Variants in CFAP97D2 observed in about 807,000 individuals in gnomAD.
The protein encoded by CFAP97D2 is CFAP97 domain containing 2.
At chr13:114,220,240 G>A (rs543437024) in intron 4 of CFAP97D2, among the ~76,000 whole-genome samples, 2 of 151,936 alleles carry the variant, frequency 1.3e-5, no homozygotes, top group African/African-American at 2.4e-5. Context: ...TTTGGGATCC[G>A]GGATCTTTGC....
At chr13:114,200,472 C>T (rs193282678) in intron 3 of CFAP97D2, 29 bp downstream of exon 3, 7 of 398,434 alleles carry the variant, frequency 1.8e-5, no homozygotes, top group Non-Finnish European at 2.7e-5. Flanking sequence ...CCATCCCACC[C>T]GGCTCAGCAC....
chr13:114,191,601 G>C (rs1395771098), intron 1 of CFAP97D2, among the ~76,000 whole-genome samples: 1 of 152,184 alleles, frequency 6.6e-6, no homozygotes, highest in Admixed American at 6.5e-5. Flanking sequence ...ACCAAATACT[G>C]TCAAGGATGT....
In CFAP97D2 at chr13:114,186,598, G is replaced by A. The variant is rs1022405520; in HGVS notation, c.90+7178G>A. Reference sequence around the variant, plus strand: ...CTCTTGGGGGGTCCCAGACCTGGGAGCTCCCTGAGCCAGGGCTGTGACTCC... The same window carrying A: ...CTCTTGGGGGGTCCCAGACCTGGGAACTCCCTGAGCCAGGGCTGTGACTCC... On this transcript the variant is annotated intron_variant, in intron 1 of 4. Transcript: ENST00000646158. This position sits in a 1 kb window ranked among gnomAD's most constrained non-coding sequence, Gnocchi z 4.3. Among the ~76,000 whole-genome samples, 3 of 152,218 alleles carry A rather than the reference G, an allele frequency of 2.0e-5. No homozygotes were observed. Among genetic ancestry groups the A allele is most frequent in the African/African-American group, 4.8e-5 (2 of 41,464 alleles).
intron 2 of CFAP97D2, among the ~76,000 whole-genome samples, chr13:114,198,474 A>C (rs924031312): frequency 1.6e-4 from 25 of 152,374 alleles, no homozygotes; most frequent in African/African-American, 5.0e-4. Context: ...TATCTTTCTT[A>C]AAATATAAAA....
Position 114,186,939 on chromosome 13 carries a change from G to C in CFAP97D2, c.90+7519G>C, listed in dbSNP as rs544510635. 6.6e-6 allele frequency among the ~76,000 whole-genome samples: 1 copy of C among 152,238 alleles called. No homozygotes were observed. The highest frequency in any genetic ancestry group is 2.4e-5 in the African/African-American group (1 of 41,466). ...CAGTCCAAGTGGGCCCAGTGGGCCC[G>C]AGCAAAATTCGGCAAAGGTGCCACC... On this transcript the variant is annotated intron_variant, in intron 1 of 4. Transcript: ENST00000646158. This position sits in a 1 kb window ranked among gnomAD's most constrained non-coding sequence, Gnocchi z 4.3.
At chr13:114,198,756 C>T in intron 2 of CFAP97D2, among the ~76,000 whole-genome samples, 1 of 75,322 alleles carries the variant, frequency 1.3e-5, no homozygotes, top group Admixed American at 1.2e-4. Flanking sequence ...TGAGGGGTGA[C>T]GGCGCGTCCC....
In CFAP97D2 at chr13:114,179,481, G is replaced by A. The variant is rs745796732; in HGVS notation, c.90+61G>A. On this transcript the variant is annotated intron_variant, in intron 1 of 4. Transcript: ENST00000646158. This position sits in a 1 kb window ranked among gnomAD's most constrained non-coding sequence, Gnocchi z 4.8. ...CGGGCGGGCACCAAGCAGCGCCCAC[G>A]AAATGCCTCTGCTTTCCCTGGAGTC... 12 of 398,306 alleles carry A rather than the reference G, an allele frequency of 3.0e-5. No individual in the cohort carries two copies. Among genetic ancestry groups the A allele is most frequent in the East Asian group, 7.1e-5 (2 of 28,080 alleles). The allele number at this position is 398,306 out of a possible 1,614,324, so 24.7% of individuals were successfully genotyped here. A position where few individuals can be genotyped will look rare whatever the true frequency, so the allele number is the denominator to read the frequency against.
Position 114,186,845 on chromosome 13 carries a change from C to T in CFAP97D2, c.90+7425C>T, listed in dbSNP as rs1247057093. 1.3e-5 allele frequency among the ~76,000 whole-genome samples: 2 copies of T among 152,304 alleles called. No homozygotes were observed. The highest frequency in any genetic ancestry group is 1.9e-4 in the East Asian group (1 of 5,172). ...CACACTCACTCACTCACACACCCCT[C>T]GCCACTCCACTCCAGTCTCTTCAGA... On this transcript the variant is annotated intron_variant, in intron 1 of 4. Transcript: ENST00000646158. The surrounding 1 kb of genome is among the most constrained non-coding windows in gnomAD (Gnocchi z 4.3).
intron 1 of CFAP97D2, among the ~76,000 whole-genome samples, chr13:114,181,718 T>C (rs1037735908): frequency 6.6e-6 from 1 of 152,120 alleles, no homozygotes; most frequent in African/African-American, 2.4e-5. Context: ...TAAAGGACCT[T>C]GGTAGAATAA....
At chr13:114,218,480 C>A (rs1236612339) in intron 4 of CFAP97D2, among the ~76,000 whole-genome samples, 1 of 152,108 alleles carries the variant, frequency 6.6e-6, no homozygotes, top group Non-Finnish European at 1.5e-5. Context: ...CAATGCCATC[C>A]CCATCAAGCT....
Position 114,209,359 on chromosome 13 carries a change from G to C in CFAP97D2, c.291-2553G>C, listed in dbSNP as rs569030020. Among the ~76,000 whole-genome samples, 27 of 152,288 alleles carry C rather than the reference G, an allele frequency of 1.8e-4. No homozygotes were observed. The South Asian group carries it at 5.4e-3, about 30-fold the overall frequency. The stretch of plus-strand genomic sequence containing the variant: ...AATAACACGAGTAGGTGGTCTCATA[G>C]AAGACCAGATAATAAAGTGAACAGG... On this transcript the variant is annotated intron_variant, in intron 3 of 4. Transcript: ENST00000646158.
At chr13:114,192,161 T>C (rs1566612349) in intron 1 of CFAP97D2, among the ~76,000 whole-genome samples, 4 of 152,198 alleles carry the variant, frequency 2.6e-5, no homozygotes, top group Admixed American at 6.5e-5. Context: ...ATACCTGTTA[T>C]TGTACATGTG....
At chr13:114,219,699 G>A (rs1158640702) in intron 4 of CFAP97D2, among the ~76,000 whole-genome samples, 2 of 152,228 alleles carry the variant, frequency 1.3e-5, no homozygotes, top group African/African-American at 2.4e-5. Context: ...CACTGGCTCC[G>A]AGGCATGCCT....
At chr13:114,191,315 G>A (rs958246325) in intron 1 of CFAP97D2, among the ~76,000 whole-genome samples, 1 of 152,154 alleles carries the variant, frequency 6.6e-6, no homozygotes, top group Admixed American at 6.5e-5. Context: ...GAAAGACAAT[G>A]TCTGGAGAAT....
chr13:114,184,828 C>CT (rs1176556179), intron 1 of CFAP97D2, among the ~76,000 whole-genome samples: 1 of 152,150 alleles, frequency 6.6e-6, no homozygotes, highest in Non-Finnish European at 1.5e-5. Context: ...AATAAAAACT[C>CT]TTATTTTTAT....
chr13:114,192,017 T>C (rs1214098676), intron 1 of CFAP97D2, among the ~76,000 whole-genome samples: 2 of 119,982 alleles, frequency 1.7e-5, no homozygotes, highest in Non-Finnish European at 3.1e-5. Flanking sequence ...TATGACATTC[T>C]GGAAAAGGCA....
intron 2 of CFAP97D2, among the ~76,000 whole-genome samples, chr13:114,199,173 G>A (rs1320908422): frequency 1.1e-4 from 4 of 37,090 alleles, no homozygotes; most frequent in Admixed American, 7.4e-4. Context: ...TACGGTCCCC[G>A]CCGAGGCGTG....
Position 114,186,940 on chromosome 13 carries a change from A to G in CFAP97D2, c.90+7520A>G, listed in dbSNP as rs1594513934. Among the ~76,000 whole-genome samples, 1 of 152,220 alleles carries G rather than the reference A, an allele frequency of 6.6e-6. No individual in the cohort carries two copies. The highest frequency in any genetic ancestry group is 1.5e-5 in the Non-Finnish European group (1 of 68,042). On this transcript the variant is annotated intron_variant, in intron 1 of 4. Transcript: ENST00000646158. The surrounding 1 kb of genome is among the most constrained non-coding windows in gnomAD (Gnocchi z 4.3). ...AGTCCAAGTGGGCCCAGTGGGCCCG[A>G]GCAAAATTCGGCAAAGGTGCCACCA...
At position 114,185,356 on chromosome 13, in the gene CFAP97D2, G is replaced by A. The variant is rs1339231354; in HGVS notation, c.90+5936G>A. 2.0e-5 allele frequency among the ~76,000 whole-genome samples: 3 copies of A among 152,242 alleles called. No homozygotes were observed. The highest frequency in any genetic ancestry group is 4.4e-5 in the Non-Finnish European group (3 of 68,030). On this transcript the variant is annotated intron_variant, in intron 1 of 4. Coordinates refer to ENST00000646158, the Ensembl canonical transcript of CFAP97D2. The surrounding 1 kb of genome is among the most constrained non-coding windows in gnomAD (Gnocchi z 5.2). ...GAGCAGTGCAGTTGGGCACACAGGA[G>A]CAGGCAGAGAGGGGCCCAGTGGGGA...
Sources: gnomAD v4.1 joint callset for allele counts (sites outside exome capture counted in the v4.1 genomes callset) on GRCh38, gnomAD v4.1.1 for gene constraint, Gnocchi (gnomAD v3.1) non-coding constraint, MANE v1.5 for transcripts, NCBI Gene and HGNC (gene_info 2026-07-23, HGNC 2026-07-21) for gene names.